The following EPHA6 variants were observed in gnomAD, a reference collection of about 807,000 sequenced individuals.
The protein encoded by EPHA6 is ephrin type-A receptor 6.
A neutral mutation model predicts 112.0 loss-of-function variants in EPHA6; 50 were observed. The observed-to-expected ratio is 0.45, with a 90% CI of 0.36 to 0.56. EPHA6 has a LOEUF of 0.56. Among genes scored for constraint, EPHA6 ranks in the 20% least tolerant of loss-of-function variants. The probability of loss-of-function intolerance (pLI) is 0.00; values close to 1 mark genes in which losing one functional copy is unlikely to be tolerated. For synonymous variants in EPHA6, 529 were observed against 490.7 expected, an observed-to-expected ratio of 1.08 and a Z score of -1.03; for missense variants, 1,280 against 1,417.4, an observed-to-expected ratio of 0.90 and a Z score of 1.56.
chr3:97,599,670 C>A (rs1009131839), intron 12 of EPHA6, among the ~76,000 whole-genome samples: 27 of 151,894 alleles, frequency 1.8e-4, no homozygotes, highest in Non-Finnish European at 3.4e-4. Context: ...GTTACTGTAG[C>A]CTTGTAGTAT....
Position 97,327,080 on chromosome 3 carries a change from A to G in EPHA6, c.1607-78070A>G, listed in dbSNP as rs536427028. Among the ~76,000 whole-genome samples, 3 of 152,182 alleles carry G rather than the reference A, an allele frequency of 2.0e-5. No individual in the cohort carries two copies. In the South Asian group the frequency reaches 6.2e-4, roughly 32 times the overall value. ...GTTTTATGAGGGAGGTTAAGCCTGAAACCGGTAACCTTTAAACCTTGTCAT... is the reference window on the plus strand; with the variant it reads ...GTTTTATGAGGGAGGTTAAGCCTGAGACCGGTAACCTTTAAACCTTGTCAT... On this transcript the variant is annotated intron_variant, in intron 5 of 17. Coordinates refer to ENST00000389672, the MANE Select transcript of EPHA6 (RefSeq NM_001080448.3).
At chr3:97,664,314 T>C (rs1474727302) in intron 14 of EPHA6, among the ~76,000 whole-genome samples, 1 of 152,224 alleles carries the variant, frequency 6.6e-6, no homozygotes, top group Non-Finnish European at 1.5e-5. Flanking sequence ...TAGTTTCTTT[T>C]GCTGTGCAGA....
At chr3:96,995,772 C>T (rs538719915) in intron 3 of EPHA6, among the ~76,000 whole-genome samples, 1 of 152,216 alleles carries the variant, frequency 6.6e-6, no homozygotes, top group Admixed American at 6.5e-5. Context: ...TAAAAAATTG[C>T]TAACAATCAT....
intron 7 of EPHA6, among the ~76,000 whole-genome samples, chr3:97,462,669 AAC>A (rs1313186858): frequency 2.0e-5 from 3 of 152,196 alleles, no homozygotes; most frequent in Non-Finnish European, 2.9e-5. Context: ...CTTGAATATA[AAC>A]ACAGAATATC....
chr3:97,447,312 C>T (rs2090379400), intron 6 of EPHA6, among the ~76,000 whole-genome samples: 8 of 152,048 alleles, frequency 5.3e-5, no homozygotes, highest in Admixed American at 5.2e-4. Context: ...GGAAGGTCTC[C>T]TAAATAACAG....
In EPHA6 at chr3:97,756,781, G is replaced by C. The variant is rs1265701896; in HGVS notation, c.*8080G>C. ...GCAGTGTTAACAAATATGAACATGA[G>C]TAACATTTGATGTAAAGATTATGGT... On this transcript the variant is annotated 3_prime_UTR_variant, in exon 18 of 18. Coordinates refer to ENST00000389672, the MANE Select transcript of EPHA6 (RefSeq NM_001080448.3). 6.6e-6 allele frequency among the ~76,000 whole-genome samples: 1 copy of C among 151,788 alleles called. No homozygotes were observed. Among genetic ancestry groups the C allele is most frequent in the Non-Finnish European group, 1.5e-5 (1 of 67,778 alleles).
chr3:97,056,625 A>G (rs1187200594), intron 3 of EPHA6, among the ~76,000 whole-genome samples: 1 of 152,172 alleles, frequency 6.6e-6, no homozygotes, highest in Non-Finnish European at 1.5e-5. Context: ...TAAAGGACGT[A>G]TTGCTTGGAT....
intron 4 of EPHA6, among the ~76,000 whole-genome samples, chr3:97,239,075 G>T (rs1237209165): frequency 1.3e-5 from 2 of 151,908 alleles, no homozygotes; most frequent in Non-Finnish European, 2.9e-5. Flanking sequence ...ATTACTAAAA[G>T]TAGGTGCAAG....
At chr3:97,048,242 G>T (rs2045575754) in intron 3 of EPHA6, among the ~76,000 whole-genome samples, 1 of 152,142 alleles carries the variant, frequency 6.6e-6, no homozygotes, top group African/African-American at 2.4e-5. Context: ...TTTTTGACTG[G>T]GAGAATAATT....
chr3:97,287,354 C>T (rs758830971), intron 5 of EPHA6, among the ~76,000 whole-genome samples: 13 of 151,992 alleles, frequency 8.6e-5, no homozygotes, highest in South Asian at 2.1e-4. Flanking sequence ...AACATCTCTT[C>T]ATGATAAAAA....
chr3:96,904,967 A>G (rs1245394066), intron 2 of EPHA6, among the ~76,000 whole-genome samples: 1 of 152,154 alleles, frequency 6.6e-6, no homozygotes, highest in Non-Finnish European at 1.5e-5. Flanking sequence ...CATCGTATGC[A>G]TTGAAAAGCA....
chr3:97,393,728 T>G (rs1314719599), intron 5 of EPHA6, among the ~76,000 whole-genome samples: 2 of 151,770 alleles, frequency 1.3e-5, no homozygotes, highest in African/African-American at 4.8e-5. Flanking sequence ...TCTCCCCATT[T>G]TGCTCCCCAC....
rs144861700 is a variant in EPHA6 at position 97,592,656 on chromosome 3, C to T, written c.2431C>T (p.Leu811=). 694 of 1,613,588 alleles carry T rather than the reference C, an allele frequency of 4.3e-4. 3 individuals are homozygous for T. The African/African-American group carries it at 8.3e-3, about 19-fold the overall frequency. ...IGVEAFCPSF[L]RAGFLNSIQA... ...GGTGGAGGCGTTTTGCCCCAGCTTC[C>T]TGAGGGCAGGGTTTTTAAATAGCAT... is the stretch of plus-strand genomic sequence containing the variant. Residue 811 remains leucine (L), a synonymous_variant, in exon 12 of 18, where the codon CTG becomes TTG. Coordinates refer to ENST00000389672, the MANE Select transcript of EPHA6 (RefSeq NM_001080448.3).
rs552392953 is a variant in EPHA6 at position 97,189,414 on chromosome 3, C to T, written c.1115-36850C>T. On this transcript the variant is annotated intron_variant, in intron 3 of 17. Coordinates refer to ENST00000389672, the MANE Select transcript of EPHA6 (RefSeq NM_001080448.3). ...GTTTTCTGAAATAAAATTATTTTTG[C>T]TTATAGAGAACAAGGAGCAGTAAAA... Among the ~76,000 whole-genome samples, 32 of 152,044 alleles carry T rather than the reference C, an allele frequency of 2.1e-4. No homozygotes were observed. In the Middle Eastern group the frequency reaches 0.01, roughly 48 times the overall value.
intron 2 of EPHA6, among the ~76,000 whole-genome samples, chr3:96,944,809 G>C (rs753153815): frequency 6.6e-6 from 1 of 152,106 alleles, no homozygotes; most frequent in South Asian, 2.1e-4. Context: ...GCGTGGTGGC[G>C]CATGTCTGTA....
intron 3 of EPHA6, among the ~76,000 whole-genome samples, chr3:97,179,007 A>G (rs2076912139): frequency 6.6e-6 from 1 of 152,056 alleles, no homozygotes; most frequent in African/African-American, 2.4e-5. Flanking sequence ...ATACTGTAGA[A>G]TCTAGAGGCT....
chr3:96,857,715 C>T (rs1476273366), intron 1 of EPHA6, among the ~76,000 whole-genome samples: 2 of 151,116 alleles, frequency 1.3e-5, no homozygotes, highest in African/African-American at 4.8e-5. Flanking sequence ...CTCTGTTCTA[C>T]AGGCAGTATT....
chr3:96,897,017 A>G (rs2038308390), intron 2 of EPHA6, among the ~76,000 whole-genome samples: 1 of 152,168 alleles, frequency 6.6e-6, no homozygotes, highest in African/African-American at 2.4e-5. Flanking sequence ...TAAAAATAGT[A>G]TGATCTTTAG....
chr3:97,259,162 A>G (rs1298519850), intron 5 of EPHA6, among the ~76,000 whole-genome samples: 1 of 152,194 alleles, frequency 6.6e-6, no homozygotes, highest in African/African-American at 2.4e-5. Flanking sequence ...AGAAAATAAA[A>G]TTCCTTATAG....
Sources: gnomAD v4.1 joint callset for allele counts (sites outside exome capture counted in the v4.1 genomes callset) on GRCh38, gnomAD v4.1.1 for gene constraint, MANE v1.5 for transcripts, NCBI Gene and HGNC (gene_info 2026-07-23, HGNC 2026-07-21) for gene names.